The following MYO9B variants were observed in gnomAD, a reference collection of about 807,000 sequenced individuals.
MYO9B encodes myosin IXB, also known as unconventional myosin-IXb.
Under a neutral mutation model 229.5 loss-of-function variants are expected in MYO9B, and 71 were observed. The ratio of observed to expected loss-of-function variants is 0.31; its 90% confidence interval spans 0.26 to 0.38. MYO9B has a LOEUF of 0.38. Ranked by LOEUF, MYO9B falls within the 10% of genes least tolerant of loss-of-function variation. MYO9B has a pLI of 1.00. For missense variants in MYO9B, 2,255 were observed against 2,920.5 expected, an observed-to-expected ratio of 0.77 and a Z score of 5.25; for synonymous variants, 1,185 against 1,235.8, an observed-to-expected ratio of 0.96 and a Z score of 0.86.
chr19:17,152,608 A>G, intron 3 of MYO9B, 36 bp from the exon 4 acceptor site: 1 of 1,548,940 alleles, frequency 6.5e-7, no homozygotes, highest in Non-Finnish European at 8.8e-7. Flanking sequence ...ACTAAAATGT[A>G]ATGTTTTATT....
At position 17,147,741 on chromosome 19, in the gene MYO9B, A is replaced by G. The variant is rs188669835; in HGVS notation, c.935+2250A>G. Among the ~76,000 whole-genome samples the G allele has an allele frequency of 5.9e-4, 76 of 128,428 alleles. 2 individuals are homozygous for G. The highest frequency in any genetic ancestry group is 2.3e-3 in the African/African-American group (74 of 32,172). The allele number at this position is 128,428 out of a possible 152,430, so 84.3% of individuals were successfully genotyped here. ...GCTCTTATTGCCCAGGCTGGAGTAC[A>G]ATGGCGTGATCTCGGCTCACCGCAA... On this transcript the variant is annotated intron_variant, in intron 3 of 39. Transcript: ENST00000682292.
At chr19:17,125,615 C>G (rs900816468) in intron 2 of MYO9B, among the ~76,000 whole-genome samples, 3 of 152,122 alleles carry the variant, frequency 2.0e-5, no homozygotes, top group African/African-American at 7.2e-5. Flanking sequence ...ACGTCCTAGC[C>G]CTGGGAGTCC....
chr19:17,134,559 T>G (rs2072246027), intron 2 of MYO9B, among the ~76,000 whole-genome samples: 1 of 151,744 alleles, frequency 6.6e-6, no homozygotes, highest in Admixed American at 6.6e-5. Flanking sequence ...GCCCAGCTGA[T>G]TTTTCTGTTC....
At chr19:17,139,281 A>G (rs1599361782) in intron 2 of MYO9B, among the ~76,000 whole-genome samples, 1 of 152,112 alleles carries the variant, frequency 6.6e-6, no homozygotes, top group Non-Finnish European at 1.5e-5. Flanking sequence ...ACAATGGTAA[A>G]TATTTGTGTA....
intron 6 of MYO9B, among the ~76,000 whole-genome samples, chr19:17,155,460 C>T (rs1457865151): frequency 6.6e-6 from 1 of 152,244 alleles, no homozygotes; most frequent in Non-Finnish European, 1.5e-5. Context: ...GAATTACAAA[C>T]ACAAGCCACC....
chr19:17,169,795 T>TCTC (rs769282606), intron 11 of MYO9B, among the ~76,000 whole-genome samples: 32,595 of 126,352 alleles, frequency 0.26, 6,026 homozygotes, highest in African/African-American at 0.39. Context: ...CTCAATCCTG[T>TCTC]CTCCTCCTTT....
chr19:17,093,418 A>C (rs570370608), intron 1 of MYO9B, among the ~76,000 whole-genome samples: 2 of 152,028 alleles, frequency 1.3e-5, no homozygotes, highest in Non-Finnish European at 2.9e-5. Context: ...ACCTCTGTCC[A>C]TCTTCCTTGG....
At chr19:17,199,210 CT>C (rs34384529) in intron 24 of MYO9B, among the ~76,000 whole-genome samples, 1 of 150,952 alleles carries the variant, frequency 6.6e-6, no homozygotes, top group East Asian at 1.9e-4. Context: ...CTCAAAAAAA[CT>C]TTTTTTTTAA....
At position 17,200,358 on chromosome 19, in the gene MYO9B, AG is replaced by A; in HGVS notation, c.4306del (p.Glu1436SerfsTer17). The A allele has an allele frequency of 6.2e-7, 1 of 1,610,518 alleles. No homozygotes were observed. The highest frequency in any genetic ancestry group is 8.5e-7 in the Non-Finnish European group (1 of 1,178,198). ...KDKKYSLEGA[E>X]ELENAVSGHV... is the part of the protein sequence containing the mutation. ...AAAAAATACAGCCTGGAGGGCGCAG[AG>A]GAGCTGGAGAATGCAGTGTCCGGGC... On this transcript the variant is annotated frameshift_variant, in exon 25 of 40. Coordinates refer to ENST00000682292, the MANE Select transcript of MYO9B (RefSeq NM_004145.4). LOFTEE classifies it high-confidence loss of function.
chr19:17,205,946 C>A lies in MYO9B; in HGVS notation c.5065-14C>A, dbSNP rs199542588. On this transcript the variant is annotated splice_polypyrimidine_tract_variant and intron_variant, in intron 31 of 39. Coordinates refer to ENST00000682292, the MANE Select transcript of MYO9B (RefSeq NM_004145.4). ...AGCCAGGCCCAGACCTGACCCCCAA[C>A]CCCGGCACTGCAGGGCGAGCCAGGC... is the stretch of plus-strand genomic sequence containing the variant. 2.0e-3 allele frequency: 3,021 copies of A among 1,546,160 alleles called. 34 individuals carry two copies. In the South Asian group the frequency reaches 0.021, roughly 11 times the overall value.
intron 6 of MYO9B, among the ~76,000 whole-genome samples, chr19:17,156,162 T>C (rs993613834): frequency 6.6e-6 from 1 of 152,096 alleles, no homozygotes; most frequent in Admixed American, 6.6e-5. Context: ...TCCTCTGGTG[T>C]TGGGGGGCTC....
chr19:17,114,275 G>A (rs760719113), intron 2 of MYO9B, among the ~76,000 whole-genome samples: 3 of 152,098 alleles, frequency 2.0e-5, no homozygotes, highest in East Asian at 1.9e-4. Flanking sequence ...ACATCAACCC[G>A]ACCAAATTCG....
chr19:17,087,524 T>C (rs761703738), intron 1 of MYO9B, among the ~76,000 whole-genome samples: 2 of 152,172 alleles, frequency 1.3e-5, no homozygotes, highest in Non-Finnish European at 2.9e-5. Context: ...CCAGCTACCT[T>C]CTGGCCTGAG....
At chr19:17,171,346 C>T (rs948534270) in intron 11 of MYO9B, among the ~76,000 whole-genome samples, 1 of 152,122 alleles carries the variant, frequency 6.6e-6, no homozygotes, top group African/African-American at 2.4e-5. Flanking sequence ...TCCCCCTCCC[C>T]GGAGCACAAC....
rs2057752806 is a variant in MYO9B, at chr19:17,102,320, G to A, written c.603G>A (p.Lys201=). 2 of 1,614,068 alleles carry A rather than the reference G, an allele frequency of 1.2e-6. No individual in the cohort carries two copies. The highest frequency in any genetic ancestry group is 4.5e-5 in the East Asian group (2 of 44,888). The change falls in exon 2 of 40, where the codon AAG becomes AAA. Residue 201 remains lysine, a synonymous_variant. Coordinates refer to ENST00000682292, the MANE Select transcript of MYO9B (RefSeq NM_004145.4). ...CCATCTACAACCCCAAGTACGTGAA[G>A]ATGTATGAGAACCAGCAGCTGGGCA... The part of the protein sequence containing the change: ...FLPIYNPKYV[K]MYENQQLGKL...
chr19:17,205,881 C>T, intron 31 of MYO9B, 79 bp from the exon 32 acceptor site: 1 of 1,387,068 alleles, frequency 7.2e-7, no homozygotes, highest in Middle Eastern at 2.1e-4. Context: ...TGTGCGGGAC[C>T]AGGAGGCAGA....
intron 2 of MYO9B, among the ~76,000 whole-genome samples, chr19:17,122,476 C>T (rs548419511): frequency 6.6e-6 from 1 of 152,088 alleles, no homozygotes; most frequent in African/African-American, 2.4e-5. Flanking sequence ...GAGATTGCAC[C>T]TCTGCACTCC....
chr19:17,123,459 T>A lies in MYO9B; in HGVS notation c.840+20902T>A, dbSNP rs1002472642. Among the ~76,000 whole-genome samples the A allele has an allele frequency of 7.4e-5, 11 of 149,556 alleles. No individual in the cohort carries two copies. The South Asian group carries it at 1.1e-3, about 15-fold the overall frequency. ...GTGTGTGTGTGTGTGTGTGTGTGTG[T>A]GATGGAGTTTCACTCTTGTCACCCA... On this transcript the variant is annotated intron_variant, in intron 2 of 39. Transcript: ENST00000682292.
chr19:17,102,080 G>A lies in MYO9B; in HGVS notation c.363G>A (p.Val121=). ...ERNADGTIKY[V]HMQLVAQATA... is the part of the protein sequence containing the mutation. ...ACGCAGATGGAACCATCAAGTACGTGCATATGCAGCTGGTGGCGCAGGCCA... is the reference window on the plus strand; with the variant it reads ...ACGCAGATGGAACCATCAAGTACGTACATATGCAGCTGGTGGCGCAGGCCA... Residue 121 remains valine, a synonymous_variant, in exon 2 of 40, where the codon GTG becomes GTA. Transcript: ENST00000682292. The A allele has an allele frequency of 6.2e-7, 1 of 1,612,830 alleles. No homozygotes were observed. The highest frequency in any genetic ancestry group is 8.5e-7 in the Non-Finnish European group (1 of 1,179,890).
Sources: gnomAD v4.1 joint callset for allele counts (sites outside exome capture counted in the v4.1 genomes callset) on GRCh38, gnomAD v4.1.1 for gene constraint, MANE v1.5 for transcripts, NCBI Gene and HGNC (gene_info 2026-07-23, HGNC 2026-07-21) for gene names.